SLC2A9: variants seen among roughly 807,000 people sequenced by gnomAD.
The protein encoded by SLC2A9 is solute carrier family 2 member 9.
Under a neutral mutation model 50.6 loss-of-function variants are expected in SLC2A9, and 39 were observed. The ratio of observed to expected loss-of-function variants is 0.77; its 90% CI spans 0.60 to 1.01. The LOEUF (loss-of-function observed/expected upper bound fraction) is 1.01. SLC2A9 is among the 50% of genes least tolerant of loss of function. The pLI is 0.00. For missense variants in SLC2A9, 686 were observed against 677.6 expected, an observed-to-expected ratio of 1.01 and a Z score of -0.14; for synonymous variants, 324 against 276.9, an observed-to-expected ratio of 1.17 and a Z score of -1.69.
intron 8 of SLC2A9, among the ~76,000 whole-genome samples, chr4:9,898,945 G>T (rs918295320): frequency 6.6e-6 from 1 of 151,140 alleles, no homozygotes; most frequent in African/African-American, 2.4e-5. Context: ...CAACTACTAT[G>T]GCCATTTCTT....
upstream of SLC2A9, among the ~76,000 whole-genome samples, chr4:10,023,422 T>C (rs779940600): frequency 6.6e-6 from 1 of 152,204 alleles, no homozygotes; most frequent in Non-Finnish European, 1.5e-5. Flanking sequence ...CCCCTCTCTA[T>C]ACCCTCCCTG....
intron 5 of SLC2A9, among the ~76,000 whole-genome samples, chr4:9,961,174 G>A (rs960603882): frequency 2.0e-5 from 3 of 152,086 alleles, no homozygotes; most frequent in Non-Finnish European, 4.4e-5. Context: ...AGCAATTTCC[G>A]TCATGCTATG....
At chr4:9,872,875 G>C (rs1290421058) in intron 10 of SLC2A9, among the ~76,000 whole-genome samples, 1 of 152,204 alleles carries the variant, frequency 6.6e-6, no homozygotes, top group Non-Finnish European at 1.5e-5. Flanking sequence ...CCAGCAAATT[G>C]TGTTTCTCTA....
chr4:9,855,931 C>G (rs993827574), intron 10 of SLC2A9, among the ~76,000 whole-genome samples: 1 of 152,128 alleles, frequency 6.6e-6, no homozygotes, highest in African/African-American at 2.4e-5. Flanking sequence ...GAAACTGGAC[C>G]TCTTCCTTAC....
intron 4 of SLC2A9, among the ~76,000 whole-genome samples, chr4:9,984,968 C>A (rs1454266963): frequency 6.6e-6 from 1 of 152,200 alleles, no homozygotes. Flanking sequence ...TTGCTCTTTC[C>A]CAGACGTGCC....
At chr4:9,861,700 T>A (rs973405764) in intron 10 of SLC2A9, among the ~76,000 whole-genome samples, 3 of 115,650 alleles carry the variant, frequency 2.6e-5, no homozygotes, top group African/African-American at 9.5e-5. Flanking sequence ...TAAATATGGA[T>A]AAGTGAATGA....
intron 3 of SLC2A9, among the ~76,000 whole-genome samples, chr4:9,780,886 G>C (rs1320149337): frequency 6.6e-6 from 1 of 152,146 alleles, no homozygotes; most frequent in Non-Finnish European, 1.5e-5. Flanking sequence ...AAAGAGAAAG[G>C]CTGTAAAAGT....
intron 3 of SLC2A9, among the ~76,000 whole-genome samples, chr4:9,994,564 CTTTTTT>C (rs35574155): frequency 7.6e-6 from 1 of 131,822 alleles, no homozygotes; most frequent in Non-Finnish European, 1.6e-5. Context: ...TTTCCTTTTC[CTTTTTT>C]TTTTTTTTTT....
downstream of SLC2A9, among the ~76,000 whole-genome samples, chr4:9,779,188 C>T (rs1717980256): frequency 6.6e-6 from 1 of 152,118 alleles, no homozygotes; most frequent in African/African-American, 2.4e-5. Flanking sequence ...TTCTTCCTGC[C>T]TGCCATACTT....
At chr4:9,970,156 T>C (rs1046099656) in intron 5 of SLC2A9, among the ~76,000 whole-genome samples, 2 of 152,056 alleles carry the variant, frequency 1.3e-5, no homozygotes, top group Admixed American at 6.5e-5. Flanking sequence ...ATATAGGCCA[T>C]GGGGGATGGC....
intron 5 of SLC2A9, among the ~76,000 whole-genome samples, chr4:9,952,875 G>T (rs1315554472): frequency 6.6e-6 from 1 of 152,174 alleles, no homozygotes; most frequent in Non-Finnish European, 1.5e-5. Flanking sequence ...AAATAACAAT[G>T]TCAGAGCTGT....
chr4:9,851,875 A>T (rs1309444081), intron 10 of SLC2A9, among the ~76,000 whole-genome samples: 1 of 152,242 alleles, frequency 6.6e-6, no homozygotes, highest in Non-Finnish European at 1.5e-5. Context: ...AAATAAAGAA[A>T]AAAGAATAAA....
Position 9,937,866 on chromosome 4 carries a change from G to A in SLC2A9, c.814+4047C>T, listed in dbSNP as rs559088503. ...AGTAAGCGAGGAGTTTACCTCTGTT[G>A]CCCCTCCCTCAGCAAGAGCCTACAA... is the stretch of plus-strand genomic sequence containing the variant. On this transcript the variant is annotated intron_variant, in intron 6 of 11. Transcript: ENST00000264784. Among the ~76,000 whole-genome samples, 5 of 152,132 alleles carry A rather than the reference G, an allele frequency of 3.3e-5. 1 individual carries two copies. The South Asian group carries it at 1.0e-3, about 32-fold the overall frequency.
At chr4:9,829,213 G>A (rs865912130) in intron 11 of SLC2A9, among the ~76,000 whole-genome samples, 7 of 152,178 alleles carry the variant, frequency 4.6e-5, no homozygotes, top group Non-Finnish European at 1.0e-4. Context: ...GGACCAGCCC[G>A]GCCAACATTG....
intron 10 of SLC2A9, among the ~76,000 whole-genome samples, chr4:9,846,811 A>G (rs1363247603): frequency 6.6e-6 from 1 of 152,184 alleles, no homozygotes; most frequent in Non-Finnish European, 1.5e-5. Flanking sequence ...CTTAATTCAT[A>G]TTTATTAAAA....
chr4:9,938,243 C>T (rs1747456413), intron 6 of SLC2A9, among the ~76,000 whole-genome samples: 1 of 151,212 alleles, frequency 6.6e-6, no homozygotes, highest in Admixed American at 6.6e-5. Context: ...TCTGTGTCTC[C>T]AACCCATGGA....
chr4:9,995,494 T>A (rs898058646), intron 3 of SLC2A9, among the ~76,000 whole-genome samples: 14 of 152,210 alleles, frequency 9.2e-5, no homozygotes, highest in African/African-American at 3.4e-4. Flanking sequence ...GATTCGGTCA[T>A]TTCAGATTGT....
chr4:9,984,642 T>C (rs1756412097), intron 4 of SLC2A9, among the ~76,000 whole-genome samples: 1 of 152,220 alleles, frequency 6.6e-6, no homozygotes, highest in South Asian at 2.1e-4. Context: ...TTTATGGATT[T>C]GCCTATTTAG....
intron 10 of SLC2A9, among the ~76,000 whole-genome samples, chr4:9,835,325 T>A (rs1726861056): frequency 6.6e-6 from 1 of 152,182 alleles, no homozygotes; most frequent in African/African-American, 2.4e-5. Flanking sequence ...ATACCCTTCC[T>A]TTCCTCCATA....
Sources: gnomAD v4.1 joint callset for allele counts (sites outside exome capture counted in the v4.1 genomes callset) on GRCh38, gnomAD v4.1.1 for gene constraint, MANE v1.5 for transcripts, NCBI Gene and HGNC (gene_info 2026-07-23, HGNC 2026-07-21) for gene names.